The following ATG7 variants were observed in gnomAD, a reference collection of about 807,000 sequenced individuals.
The protein encoded by ATG7 is autophagy related 7, also known as ubiquitin-like modifier-activating enzyme ATG7.
In ATG7, 70 loss-of-function variants were observed where a neutral mutation model predicts 82.4. That is an observed-to-expected ratio of 0.85 (90% CI 0.70 to 1.04). The LOEUF is 1.04. ATG7 is among the 50% of genes least tolerant of loss of function. The pLI, the probability that ATG7 is intolerant of heterozygous loss-of-function variation, is 0.00. For missense variants in ATG7, 792 were observed against 864.3 expected (o/e 0.92, Z 1.05); for synonymous variants, 287 against 313.0 (o/e 0.92, Z 0.88).
intron 20 of ATG7, among the ~76,000 whole-genome samples, chr3:11,471,566 A>G (rs780530521): frequency 9.9e-5 from 15 of 152,068 alleles, no homozygotes; most frequent in Non-Finnish European, 1.9e-4. Flanking sequence ...TCTTGGGGTC[A>G]AGGCCATAAT....
chr3:11,365,951 G>A (rs2076577028), intron 18 of ATG7, among the ~76,000 whole-genome samples: 1 of 152,156 alleles, frequency 6.6e-6, no homozygotes, highest in Admixed American at 6.5e-5. Flanking sequence ...CGGGCGCGGT[G>A]ACTCATGCCT....
rs11310291 is a variant in ATG7, at chr3:11,525,448, ATTT to A, written c.2080-29344_2080-29342del. ...TAAGAGGTTCACAGTAAGACATGTGATTTTTTTTTTTTTTTTTTTTTACTCCTT... is the reference window on the plus strand; with the variant it reads ...TAAGAGGTTCACAGTAAGACATGTGATTTTTTTTTTTTTTTTTTACTCCTT... On this transcript the variant is annotated intron_variant, in intron 20 of 20. Transcript: ENST00000693202. Among the ~76,000 whole-genome samples, 77 of 121,076 alleles carry A rather than the reference ATTT, an allele frequency of 6.4e-4. 2 individuals carry two copies. Among genetic ancestry groups the A allele is most frequent in the South Asian group, 2.9e-3 (11 of 3,766 alleles). 79.4% of individuals were successfully genotyped at this position (121,076 alleles called of 152,430 possible).
At chr3:11,369,029 C>G (rs2076818769) in intron 18 of ATG7, among the ~76,000 whole-genome samples, 1 of 150,874 alleles carries the variant, frequency 6.6e-6, no homozygotes, top group Non-Finnish European at 1.5e-5. Context: ...CTGGGAGGGA[C>G]CTGGCCTGGG....
chr3:11,391,579 C>T (rs1474346275), intron 19 of ATG7, among the ~76,000 whole-genome samples: 1 of 152,212 alleles, frequency 6.6e-6, no homozygotes, highest in Non-Finnish European at 1.5e-5. Context: ...CACAGCGGTT[C>T]TTGTCCCTGT....
the ATG7 span, chr3:11,564,751 C>T: frequency 2.0e-6 from 3 of 1,532,380 alleles, no homozygotes; most frequent in Non-Finnish European, 1.7e-6. Context: ...AGCCCAGTCC[C>T]CCAGCCCCTG....
At chr3:11,516,331 TATA>T (rs374681923) in intron 20 of ATG7, among the ~76,000 whole-genome samples, 2 of 151,530 alleles carry the variant, frequency 1.3e-5, no homozygotes, top group African/African-American at 2.4e-5. Flanking sequence ...AAACTTAAAG[TATA>T]ATAATAATAA....
At chr3:11,350,685 G>A (rs966843925) in intron 14 of ATG7, among the ~76,000 whole-genome samples, 2 of 152,110 alleles carry the variant, frequency 1.3e-5, no homozygotes, top group African/African-American at 4.8e-5. Flanking sequence ...CAAAGTCAAT[G>A]ACATTAGTCA....
intron 11 of ATG7, among the ~76,000 whole-genome samples, chr3:11,339,340 T>G (rs1224854826): frequency 6.8e-6 from 1 of 147,982 alleles, no homozygotes; most frequent in African/African-American, 2.5e-5. Flanking sequence ...CAGCGTATAA[T>G]TAGAAACAAA....
chr3:11,426,438 C>T (rs2082370702), intron 19 of ATG7, among the ~76,000 whole-genome samples: 1 of 151,904 alleles, frequency 6.6e-6, no homozygotes. Flanking sequence ...TTTTCTCCTC[C>T]CTTCTCATTT....
intron 18 of ATG7, among the ~76,000 whole-genome samples, chr3:11,377,375 T>A (rs2077498814): frequency 2.0e-5 from 3 of 152,152 alleles, no homozygotes; most frequent in Admixed American, 6.5e-5. Context: ...TGAACGGTGG[T>A]GTGTGGACCC....
At chr3:11,369,771 G>A (rs1315639302) in intron 18 of ATG7, among the ~76,000 whole-genome samples, 2 of 151,156 alleles carry the variant, frequency 1.3e-5, no homozygotes, top group Non-Finnish European at 2.9e-5. Context: ...GAGGAGTTGG[G>A]CCTAACCTTA....
chr3:11,360,563 ATTCC>A lies in ATG7; in HGVS notation c.1480-15_1480-12del, dbSNP rs1450248055. The A allele has an allele frequency of 3.7e-6, 6 of 1,608,846 alleles. No individual in the cohort carries two copies. The highest frequency in any genetic ancestry group is 5.1e-6 in the Non-Finnish European group (6 of 1,177,010). On this transcript the variant is annotated splice_polypyrimidine_tract_variant and intron_variant, in intron 15 of 20. Transcript: ENST00000693202. Reference sequence around the variant, plus strand: ...ATGTGTCTTTTAACTCTGCTCTTTCATTCCTTGAAACCTGCAGCTGGTCATCAAT... The same window carrying A: ...ATGTGTCTTTTAACTCTGCTCTTTCATTGAAACCTGCAGCTGGTCATCAAT...
At chr3:11,543,771 G>A (rs1040726344) in intron 20 of ATG7, among the ~76,000 whole-genome samples, 7 of 152,200 alleles carry the variant, frequency 4.6e-5, no homozygotes, top group South Asian at 2.1e-4. Context: ...GCGTGGTGGC[G>A]CACGCCTGTT....
chr3:11,486,467 A>G (rs1435217636), intron 20 of ATG7, among the ~76,000 whole-genome samples: 1 of 152,008 alleles, frequency 6.6e-6, no homozygotes, highest in Non-Finnish European at 1.5e-5. Context: ...TAGATATACA[A>G]CCATGTCATC....
the ATG7 span, among the ~76,000 whole-genome samples, chr3:11,570,767 C>T: frequency 1.6e-4 from 25 of 152,306 alleles, no homozygotes; most frequent in South Asian, 8.3e-4. Flanking sequence ...TTAGTCCCTT[C>T]CTCCAACTTC....
At chr3:11,354,850 A>G (rs4417846) in intron 14 of ATG7, among the ~76,000 whole-genome samples, 3 of 152,150 alleles carry the variant, frequency 2.0e-5, no homozygotes, top group Non-Finnish European at 2.9e-5. Context: ...GTGAAAGACT[A>G]TGGTCATAGG....
chr3:11,435,769 C>A (rs1206665696), intron 20 of ATG7, among the ~76,000 whole-genome samples: 1 of 152,118 alleles, frequency 6.6e-6, no homozygotes, highest in East Asian at 1.9e-4. Flanking sequence ...CTACTCCTCA[C>A]AATTACCATA....
intron 2 of ATG7, among the ~76,000 whole-genome samples, chr3:11,281,709 G>A (rs1056446175): frequency 6.6e-6 from 1 of 151,496 alleles, no homozygotes; most frequent in East Asian, 1.9e-4. Flanking sequence ...GGGAGGCAGA[G>A]GTTGCAGTGA....
intron 19 of ATG7, among the ~76,000 whole-genome samples, chr3:11,389,232 C>CAAAAAAAA (rs752930553): frequency 1.7e-5 from 1 of 57,260 alleles, no homozygotes; most frequent in African/African-American, 7.9e-5. Context: ...GACCCTGTCT[C>CAAAAAAAA]AAAAAAAAAA....
Sources: gnomAD v4.1 joint callset for allele counts (sites outside exome capture counted in the v4.1 genomes callset) on GRCh38, gnomAD v4.1.1 for gene constraint, MANE v1.5 for transcripts, NCBI Gene and HGNC (gene_info 2026-07-23, HGNC 2026-07-21) for gene names.